Variants in THSD7B observed in about 807,000 individuals in gnomAD.
The protein encoded by THSD7B is thrombospondin type-1 domain-containing protein 7B.
Under a neutral mutation model 213.6 loss-of-function variants are expected in THSD7B, and 138 were observed. That is an observed-to-expected ratio of 0.65 (90% CI 0.56 to 0.74). The LOEUF is 0.74. Ranked by LOEUF, THSD7B falls within the 30% of genes least tolerant of loss-of-function variation. THSD7B has a pLI of 0.00. For missense variants in THSD7B, 1,931 were observed against 1,991.5 expected (o/e 0.97, Z 0.58); for synonymous variants, 742 against 687.0 (o/e 1.08, Z -1.25).
intron 5 of THSD7B, among the ~76,000 whole-genome samples, chr2:137,145,874 A>G (rs1417697476): frequency 6.6e-6 from 1 of 152,108 alleles, no homozygotes; most frequent in African/African-American, 2.4e-5. Flanking sequence ...TGCTGTTTTT[A>G]GTGTAAAATC....
intron 15 of THSD7B, among the ~76,000 whole-genome samples, chr2:137,507,878 C>CTT (rs1679872980): frequency 2.0e-5 from 3 of 152,106 alleles, no homozygotes; most frequent in Admixed American, 6.5e-5. Flanking sequence ...ATAATTACCC[C>CTT]AGTCAACAAA....
chr2:137,501,133 C>T (rs1360687852), intron 15 of THSD7B, among the ~76,000 whole-genome samples: 1 of 152,124 alleles, frequency 6.6e-6, no homozygotes, highest in African/African-American at 2.4e-5. Context: ...TATATTGCTT[C>T]ACCTAGCATC....
intron 10 of THSD7B, among the ~76,000 whole-genome samples, chr2:137,268,256 A>T (rs1573922762): frequency 6.6e-6 from 1 of 151,998 alleles, no homozygotes; most frequent in Non-Finnish European, 1.5e-5. Context: ...TGCACCCATC[A>T]ACTGATACTT....
chr2:136,912,676 T>C (rs528466818), intron 2 of THSD7B, among the ~76,000 whole-genome samples: 4 of 152,306 alleles, frequency 2.6e-5, no homozygotes, highest in African/African-American at 9.6e-5. Context: ...ATTCTTGTGA[T>C]AATGAATAAG....
intron 2 of THSD7B, among the ~76,000 whole-genome samples, chr2:136,887,937 C>A (rs1683747831): frequency 2.6e-5 from 4 of 152,158 alleles, no homozygotes; most frequent in African/African-American, 9.6e-5. Flanking sequence ...TTACAGGACT[C>A]TTTGAGAATT....
chr2:137,594,438 C>A (rs116694642), intron 17 of THSD7B, among the ~76,000 whole-genome samples: 2,973 of 152,070 alleles, frequency 0.02, 43 homozygotes, highest in Middle Eastern at 0.071. Flanking sequence ...GAATGTGGCA[C>A]CAATGTTATC....
At chr2:137,663,664 A>C in intron 26 of THSD7B, 89 bp downstream of exon 26, 1 of 1,201,722 alleles carries the variant, frequency 8.3e-7, no homozygotes, top group South Asian at 1.6e-5. Flanking sequence ...AATGGAGGGA[A>C]GGAGGAAAAG....
intron 15 of THSD7B, among the ~76,000 whole-genome samples, chr2:137,557,458 A>G (rs1681001098): frequency 6.6e-6 from 1 of 152,228 alleles, no homozygotes; most frequent in African/African-American, 2.4e-5. Flanking sequence ...CTGCTCCTGA[A>G]TGAATACTGG....
chr2:136,956,636 A>G (rs970692634), intron 2 of THSD7B, among the ~76,000 whole-genome samples: 1 of 150,084 alleles, frequency 6.7e-6, no homozygotes, highest in African/African-American at 2.4e-5. Flanking sequence ...TGGTCTCTTC[A>G]GCAAGAGGAG....
At chr2:137,658,032 C>T (rs1683272604) in intron 24 of THSD7B, among the ~76,000 whole-genome samples, 2 of 152,142 alleles carry the variant, frequency 1.3e-5, no homozygotes, top group Non-Finnish European at 2.9e-5. Flanking sequence ...TTTTTAAATG[C>T]TTTCTTGTCA....
intron 17 of THSD7B, 108 bp downstream of exon 17, chr2:137,572,664 G>A: frequency 2.9e-5 from 35 of 1,219,434 alleles, no homozygotes; most frequent in East Asian, 1.4e-4. Flanking sequence ...AGTAACATGG[G>A]AAAATAATTT....
chr2:137,206,105 G>A (rs1368231565), intron 7 of THSD7B, among the ~76,000 whole-genome samples: 1 of 151,610 alleles, frequency 6.6e-6, no homozygotes. Flanking sequence ...AGGAATTGCG[G>A]AGGGTGATTT....
At chr2:137,392,442 A>G (rs1686054756) in intron 12 of THSD7B, among the ~76,000 whole-genome samples, 1 of 152,090 alleles carries the variant, frequency 6.6e-6, no homozygotes, top group Non-Finnish European at 1.5e-5. Context: ...TGTTGGGTAC[A>G]TATATATCTA....
chr2:137,667,845 A>G lies in THSD7B; in HGVS notation c.4723A>G (p.Thr1575Ala). The G allele has an allele frequency of 6.3e-7, 1 of 1,595,342 alleles. No individual in the cohort carries two copies. Among genetic ancestry groups the G allele is most frequent in the Non-Finnish European group, 8.5e-7 (1 of 1,169,698 alleles). Residue 1575 changes from threonine (T) to alanine (A), a missense_variant, in exon 27 of 28, where the codon ACT (threonine) becomes GCT (alanine). Physicochemically the swap from Thr to Ala is moderately conservative, Grantham distance 58. Transcript: ENST00000409968. ...TCTCATCATGATTTTCCTAATATTT[A>G]CTTCCTACCTTGTTTGGTAAGTACT... Reference protein sequence around the residue: ...AFLIMIFLIFTSYLVCKKPKP... With the variant: ...AFLIMIFLIFASYLVCKKPKP...
At chr2:137,148,415 A>AC in intron 5 of THSD7B, among the ~76,000 whole-genome samples, 1 of 152,248 alleles carries the variant, frequency 6.6e-6, no homozygotes, top group African/African-American at 2.4e-5. Flanking sequence ...CTGTAAAGAT[A>AC]CCTGAAAATG....
intron 1 of THSD7B, among the ~76,000 whole-genome samples, chr2:136,785,952 C>T (rs1357948022): frequency 6.6e-6 from 1 of 152,176 alleles, no homozygotes; most frequent in Middle Eastern, 3.2e-3. Flanking sequence ...CTTTTCCCTC[C>T]ACGTCTCCCT....
At chr2:136,923,495 A>G (rs567901728) in intron 2 of THSD7B, among the ~76,000 whole-genome samples, 5 of 152,146 alleles carry the variant, frequency 3.3e-5, no homozygotes, top group Non-Finnish European at 7.3e-5. Flanking sequence ...GTTGGATCAT[A>G]TGGTAATTCT....
At chr2:137,531,059 A>C (rs1429234042) in intron 15 of THSD7B, among the ~76,000 whole-genome samples, 3 of 152,016 alleles carry the variant, frequency 2.0e-5, no homozygotes, top group Admixed American at 2.0e-4. Context: ...GTGTGTTTAA[A>C]AATTACAAAC....
chr2:137,495,222 AT>A (rs1300784982), intron 15 of THSD7B, among the ~76,000 whole-genome samples: 5 of 152,168 alleles, frequency 3.3e-5, no homozygotes, highest in Non-Finnish European at 5.9e-5. Flanking sequence ...ACTATTTAAA[AT>A]TAAATAATAC....
Sources: gnomAD v4.1 joint callset for allele counts (sites outside exome capture counted in the v4.1 genomes callset) on GRCh38, gnomAD v4.1.1 for gene constraint, MANE v1.5 for transcripts, NCBI Gene and HGNC (gene_info 2026-07-23, HGNC 2026-07-21) for gene names.